Variants in SORL1 observed in about 807,000 individuals in gnomAD.
The protein encoded by SORL1 is sortilin related receptor 1, also known as sortilin-related receptor.
In SORL1, 127 loss-of-function variants were observed where a neutral mutation model predicts 273.7. That is an observed-to-expected ratio of 0.46 (90% CI 0.40 to 0.54). The LOEUF is 0.54. Among genes scored for constraint, SORL1 ranks in the 20% least tolerant of loss-of-function variants. The pLI is 0.00. For missense variants in SORL1, 2,494 were observed against 2,846.1 expected, an observed-to-expected ratio of 0.88 and a Z score of 2.81; for synonymous variants, 1,031 against 1,067.4, an observed-to-expected ratio of 0.97 and a Z score of 0.66.
intron 1 of SORL1, among the ~76,000 whole-genome samples, chr11:121,466,947 CT>C (rs1176940058): frequency 2.0e-5 from 3 of 151,528 alleles, no homozygotes; most frequent in Admixed American, 2.0e-4. Context: ...AAAAGCTTTC[CT>C]TAAAAAAAAG....
intron 11 of SORL1, among the ~76,000 whole-genome samples, chr11:121,524,737 T>A (rs1218811056): frequency 6.6e-6 from 1 of 152,068 alleles, no homozygotes; most frequent in Non-Finnish European, 1.5e-5. Context: ...AAATAATTTT[T>A]ATTTCTTTTA....
At chr11:121,506,644 A>G (rs7109029) in intron 6 of SORL1, among the ~76,000 whole-genome samples, 48,770 of 152,096 alleles carry the variant, frequency 0.32, 8,748 homozygotes, top group Middle Eastern at 0.44. Context: ...CAGCCAAACC[A>G]TATCACATGG....
At chr11:121,507,465 T>G (rs958889053) in intron 6 of SORL1, among the ~76,000 whole-genome samples, 2 of 152,196 alleles carry the variant, frequency 1.3e-5, no homozygotes, top group Non-Finnish European at 2.9e-5. Context: ...TAACATTCTT[T>G]TTTTTGTTGT....
At chr11:121,567,249 A>G in intron 22 of SORL1, 136 bp downstream of exon 22, 1 of 741,100 alleles carries the variant, frequency 1.3e-6, no homozygotes, top group Non-Finnish European at 2.2e-6. Context: ...AATCAAACCT[A>G]CCAGATACTC....
intron 25 of SORL1, among the ~76,000 whole-genome samples, chr11:121,582,807 C>T (rs1385603947): frequency 6.6e-6 from 1 of 152,170 alleles, no homozygotes; most frequent in Non-Finnish European, 1.5e-5. Flanking sequence ...TTTTGGATGA[C>T]TCTTTTATAT....
At chr11:121,485,055 C>G (rs1261620302) in intron 3 of SORL1, among the ~76,000 whole-genome samples, 1 of 152,256 alleles carries the variant, frequency 6.6e-6, no homozygotes, top group Non-Finnish European at 1.5e-5. Context: ...CCGCCCGGCC[C>G]CATGCTTGTT....
intron 3 of SORL1, among the ~76,000 whole-genome samples, chr11:121,479,210 G>A (rs1389604618): frequency 6.6e-6 from 1 of 152,184 alleles, no homozygotes; most frequent in Non-Finnish European, 1.5e-5. Flanking sequence ...TGGGCCCCCA[G>A]GGAGGTGGAG....
At chr11:121,467,356 AG>A (rs1565301860) in intron 1 of SORL1, among the ~76,000 whole-genome samples, 1 of 152,106 alleles carries the variant, frequency 6.6e-6, no homozygotes, top group African/African-American at 2.4e-5. Context: ...TCCTCTGAGT[AG>A]ATCGATTTCA....
At chr11:121,548,334 A>T (rs1303357731) in intron 14 of SORL1, among the ~76,000 whole-genome samples, 1 of 152,212 alleles carries the variant, frequency 6.6e-6, no homozygotes, top group Non-Finnish European at 1.5e-5. Flanking sequence ...GCAAATAAGT[A>T]ATTAGCTAAT....
chr11:121,601,778 GA>G (rs1863395622), intron 32 of SORL1, among the ~76,000 whole-genome samples: 1 of 152,026 alleles, frequency 6.6e-6, no homozygotes, highest in South Asian at 2.1e-4. Context: ...ACTTTATAAA[GA>G]AACCTCCAAC....
intron 24 of SORL1, 61 bp from the exon 25 acceptor site, chr11:121,577,220 C>G: frequency 6.5e-7 from 1 of 1,539,370 alleles, no homozygotes; most frequent in Non-Finnish European, 8.8e-7. Flanking sequence ...GCTTTGACAC[C>G]AGAGACAAAA....
intron 14 of SORL1, chr11:121,547,052 C>T (rs1295229811): frequency 1.3e-5 from 2 of 152,208 alleles, no homozygotes; most frequent in Admixed American, 1.3e-4. Context: ...GACTCTTTAA[C>T]AGCAAAAGCA....
intron 21 of SORL1, among the ~76,000 whole-genome samples, chr11:121,564,772 T>A (rs1035452510): frequency 2.6e-5 from 4 of 151,892 alleles, no homozygotes; most frequent in African/African-American, 9.7e-5. Flanking sequence ...CGGTCTTCAC[T>A]ATGTTGCTCA....
rs1314734056 is a variant in SORL1 at position 121,550,431 on chromosome 11, T to C, written c.2181-154T>C. Among the ~76,000 whole-genome samples the C allele has an allele frequency of 3.3e-5, 5 of 152,228 alleles. No homozygotes were observed. The highest frequency in any genetic ancestry group is 1.2e-4 in the African/African-American group (5 of 41,458). ...TGCCTAGTCTAATTATAAGGAGAAC[T>C]GACTCAGAACTACGAACATCCTCTT... On this transcript the variant is annotated intron_variant, in intron 15 of 47. Transcript: ENST00000260197. This position sits in a 1 kb window ranked among gnomAD's most constrained non-coding sequence, Gnocchi z 5.3.
At chr11:121,611,262 C>G in intron 39 of SORL1, 104 bp downstream of exon 39, 1 of 736,360 alleles carries the variant, frequency 1.4e-6, no homozygotes, top group East Asian at 2.9e-5. Flanking sequence ...AAACAAAAAA[C>G]AAAAAAAACG....
chr11:121,505,274 G>A (rs189501879), intron 6 of SORL1, among the ~76,000 whole-genome samples: 2 of 151,580 alleles, frequency 1.3e-5, no homozygotes, highest in African/African-American at 4.8e-5. Context: ...TTTTATTTCT[G>A]TGAGGTTGTT....
chr11:121,613,887 C>T (rs1019339088), intron 40 of SORL1, among the ~76,000 whole-genome samples: 7 of 152,184 alleles, frequency 4.6e-5, no homozygotes, highest in Non-Finnish European at 7.3e-5. Flanking sequence ...AGGGCTAGTG[C>T]GATGCTAGGC....
intron 1 of SORL1, among the ~76,000 whole-genome samples, chr11:121,465,255 C>T (rs567572361): frequency 1.3e-5 from 2 of 152,342 alleles, no homozygotes; most frequent in Middle Eastern, 3.4e-3. Flanking sequence ...TAAATGGTGT[C>T]ATGCAATCAT....
At chr11:121,509,065 TC>T (rs1861833331) in intron 6 of SORL1, among the ~76,000 whole-genome samples, 1 of 151,990 alleles carries the variant, frequency 6.6e-6, no homozygotes, top group South Asian at 2.1e-4. Context: ...TACTTTTTTT[TC>T]CCCCTGGAAT....
Sources: gnomAD v4.1 joint callset for allele counts (sites outside exome capture counted in the v4.1 genomes callset) on GRCh38, gnomAD v4.1.1 for gene constraint, Gnocchi (gnomAD v3.1) non-coding constraint, MANE v1.5 for transcripts, NCBI Gene and HGNC (gene_info 2026-07-23, HGNC 2026-07-21) for gene names.